The following MIPOL1 variants were observed in gnomAD, a reference collection of about 807,000 sequenced individuals.
MIPOL1 encodes mirror-image polydactyly gene 1 protein.
Under a neutral mutation model 60.9 loss-of-function variants are expected in MIPOL1, and 57 were observed. That is an observed-to-expected ratio of 0.94 (90% confidence interval 0.76 to 1.17). The LOEUF is 1.17. MIPOL1 is among the 50% of genes most tolerant of loss of function. The probability of loss-of-function intolerance (pLI) is 0.00; values close to 1 mark genes in which losing one functional copy is unlikely to be tolerated. For missense variants in MIPOL1, 551 were observed against 511.6 expected (o/e 1.08, Z -0.74); for synonymous variants, 179 against 168.8 (o/e 1.06, Z -0.47).
chr14:37,303,056 A>G (rs1200618635), intron 7 of MIPOL1, among the ~76,000 whole-genome samples: 2 of 151,926 alleles, frequency 1.3e-5, no homozygotes, highest in Admixed American at 1.3e-4. Context: ...TTATTACGTA[A>G]ATCAGTCACC....
At chr14:37,248,597 C>T (rs981943081) in intron 3 of MIPOL1, among the ~76,000 whole-genome samples, 15 of 150,998 alleles carry the variant, frequency 9.9e-5, no homozygotes, top group African/African-American at 3.7e-4. Context: ...AGACATATAG[C>T]GAAAGAGACA....
chr14:37,201,678 C>G (rs1221721377), intron 1 of MIPOL1, among the ~76,000 whole-genome samples: 1 of 152,114 alleles, frequency 6.6e-6, no homozygotes, highest in East Asian at 1.9e-4. Flanking sequence ...GATGGAGGCC[C>G]TTTCTTCCTT....
chr14:37,405,042 T>C (rs2153533525), intron 10 of MIPOL1, among the ~76,000 whole-genome samples: 1 of 152,316 alleles, frequency 6.6e-6, no homozygotes, highest in South Asian at 2.1e-4. Context: ...GTATGAAGCA[T>C]TGAATGGCAG....
At chr14:37,381,513 C>T (rs2092923618) in intron 10 of MIPOL1, among the ~76,000 whole-genome samples, 1 of 151,522 alleles carries the variant, frequency 6.6e-6, no homozygotes, top group African/African-American at 2.4e-5. Context: ...TTTACAAAGG[C>T]ATGTATTTGA....
chr14:37,471,145 G>C (rs527315047), intron 11 of MIPOL1, among the ~76,000 whole-genome samples: 27 of 152,076 alleles, frequency 1.8e-4, no homozygotes, highest in Non-Finnish European at 3.2e-4. Flanking sequence ...TGGAACACTT[G>C]GGGACAGAGA....
intron 9 of MIPOL1, among the ~76,000 whole-genome samples, chr14:37,358,408 T>C (rs141722214): frequency 3.3e-5 from 5 of 152,322 alleles, no homozygotes; most frequent in African/African-American, 1.2e-4. Flanking sequence ...CTTGAGGAAT[T>C]GCCACACTGT....
At chr14:37,285,732 C>T (rs2084503513) in intron 7 of MIPOL1, among the ~76,000 whole-genome samples, 1 of 151,930 alleles carries the variant, frequency 6.6e-6, no homozygotes, top group Non-Finnish European at 1.5e-5. Context: ...GCTGGGACTA[C>T]AGGCGCCTGC....
chr14:37,306,675 T>A (rs1182597925), intron 7 of MIPOL1, among the ~76,000 whole-genome samples: 2 of 151,878 alleles, frequency 1.3e-5, no homozygotes, highest in African/African-American at 2.4e-5. Flanking sequence ...TTTCTTCAAA[T>A]ATTTTCACTA....
At chr14:37,289,798 C>T (rs1262186580) in intron 7 of MIPOL1, among the ~76,000 whole-genome samples, 1 of 152,110 alleles carries the variant, frequency 6.6e-6, no homozygotes, top group African/African-American at 2.4e-5. Context: ...GGGGTTGAAG[C>T]TCAAAGTCAC....
chr14:37,296,611 G>C (rs2085721378), intron 7 of MIPOL1, among the ~76,000 whole-genome samples: 1 of 152,114 alleles, frequency 6.6e-6, no homozygotes, highest in South Asian at 2.1e-4. Flanking sequence ...AATAAAAAAT[G>C]GCAAAGGGGA....
intron 7 of MIPOL1, among the ~76,000 whole-genome samples, chr14:37,299,530 A>T (rs1005540): frequency 2.6e-5 from 4 of 152,138 alleles, no homozygotes; most frequent in Admixed American, 2.6e-4. Context: ...TCATGAGTCT[A>T]TATGATGGGA....
intron 10 of MIPOL1, among the ~76,000 whole-genome samples, chr14:37,391,950 G>A (rs1453708038): frequency 6.6e-6 from 1 of 151,892 alleles, no homozygotes; most frequent in Non-Finnish European, 1.5e-5. Context: ...TGATATAATA[G>A]GATATACTTA....
At chr14:37,395,505 T>C (rs2093355078) in intron 10 of MIPOL1, among the ~76,000 whole-genome samples, 1 of 152,146 alleles carries the variant, frequency 6.6e-6, no homozygotes, top group South Asian at 2.1e-4. Context: ...TATTTATTTA[T>C]TTATTTTGCA....
At chr14:37,280,402 T>G (rs2084008635) in intron 6 of MIPOL1, among the ~76,000 whole-genome samples, 1 of 152,160 alleles carries the variant, frequency 6.6e-6, no homozygotes, top group South Asian at 2.1e-4. Context: ...CATACCGTTT[T>G]CCAAAATGGC....
chr14:37,395,399 T>C (rs910491569), intron 10 of MIPOL1, among the ~76,000 whole-genome samples: 1 of 152,184 alleles, frequency 6.6e-6, no homozygotes, highest in East Asian at 1.9e-4. Context: ...TGTGTTTTCA[T>C]TTGTTTGTGT....
chr14:37,259,605 G>C (rs923442543), intron 3 of MIPOL1, among the ~76,000 whole-genome samples: 9 of 151,886 alleles, frequency 5.9e-5, no homozygotes, highest in Non-Finnish European at 1.0e-4. Flanking sequence ...CACTGTCTGT[G>C]CTTTCCAATG....
In MIPOL1 at chr14:37,549,731, T is replaced by C. The variant is rs185670064; in HGVS notation, c.*2760T>C. 2.0e-5 allele frequency: 3 copies of C among 152,098 alleles called. No individual in the cohort carries two copies. Among genetic ancestry groups the C allele is most frequent in the Admixed American group, 1.3e-4 (2 of 15,280 alleles). 9.4% of individuals were successfully genotyped at this position (152,098 alleles called of 1,614,324 possible). ...TTCAATGAAGTACAATAATGTGAAC[T>C]GCATGTGTAAACAGCATCACATTAT... On this transcript the variant is annotated 3_prime_UTR_variant, in exon 13 of 13. Coordinates refer to ENST00000684589, the MANE Select transcript of MIPOL1 (RefSeq NM_001388067.1).
At chr14:37,469,292 G>A (rs1027357545) in intron 11 of MIPOL1, among the ~76,000 whole-genome samples, 3 of 152,192 alleles carry the variant, frequency 2.0e-5, no homozygotes, top group Admixed American at 6.5e-5. Context: ...GAGCAGATAT[G>A]TCACATAGCT....
intron 9 of MIPOL1, among the ~76,000 whole-genome samples, chr14:37,351,577 C>G (rs914579845): frequency 1.4e-5 from 2 of 146,750 alleles, no homozygotes; most frequent in South Asian, 4.5e-4. Context: ...CCTGTTGTTT[C>G]CTGACTTTTT....
Sources: gnomAD v4.1 joint callset for allele counts (sites outside exome capture counted in the v4.1 genomes callset) on GRCh38, gnomAD v4.1.1 for gene constraint, MANE v1.5 for transcripts, NCBI Gene and HGNC (gene_info 2026-07-23, HGNC 2026-07-21) for gene names.